Variants in ATAD1 observed in about 807,000 individuals in gnomAD.
The protein encoded by ATAD1 is outer mitochondrial transmembrane helix translocase.
In ATAD1, 18 loss-of-function variants were observed where a neutral mutation model predicts 42.7. That is an observed-to-expected ratio of 0.42 (90% confidence interval 0.29 to 0.63). The LOEUF (loss-of-function observed/expected upper bound fraction) is 0.63. Among genes scored for constraint, ATAD1 ranks in the 20% least tolerant of loss-of-function variants. The pLI is 0.19. For missense variants in ATAD1, 294 were observed against 440.4 expected (o/e 0.67, Z 2.98); for synonymous variants, 132 against 143.1 (o/e 0.92, Z 0.55).
chr10:87,831,922 G>A (rs1258014873), intron 1 of ATAD1, among the ~76,000 whole-genome samples: 1 of 152,012 alleles, frequency 6.6e-6, no homozygotes, highest in Non-Finnish European at 1.5e-5. Context: ...CTCAGATAAG[G>A]AAACTGAGGC....
At chr10:87,782,735 C>T (rs578255116) in intron 5 of ATAD1, among the ~76,000 whole-genome samples, 3 of 152,170 alleles carry the variant, frequency 2.0e-5, no homozygotes, top group South Asian at 4.1e-4. Context: ...ATCAGCTAGG[C>T]GTTATAATCC....
intron 1 of ATAD1, among the ~76,000 whole-genome samples, chr10:87,840,659 T>G (rs1321002371): frequency 6.6e-6 from 1 of 152,202 alleles, no homozygotes; most frequent in Admixed American, 6.5e-5. Context: ...CTCATAGCCC[T>G]TTTTTCACCC....
intron 1 of ATAD1, among the ~76,000 whole-genome samples, chr10:87,817,511 A>G (rs1056704526): frequency 7.9e-5 from 12 of 152,332 alleles, no homozygotes; most frequent in Non-Finnish European, 1.5e-4. Context: ...CTCATCTATG[A>G]GCAATTTATT....
intron 2 of ATAD1, among the ~76,000 whole-genome samples, chr10:87,796,862 T>C (rs962935905): frequency 1.3e-5 from 2 of 152,218 alleles, no homozygotes; most frequent in East Asian, 1.9e-4. Flanking sequence ...CTCCCAAAAT[T>C]TGGTGGAGAC....
intron 1 of ATAD1, among the ~76,000 whole-genome samples, chr10:87,839,636 G>A (rs768276952): frequency 1.3e-5 from 2 of 152,150 alleles, no homozygotes; most frequent in African/African-American, 2.4e-5. Flanking sequence ...ATAGATCAGT[G>A]AGCTTTGTAC....
Position 87,824,387 on chromosome 10 carries a change from C to T in ATAD1, c.-13-9775G>A, listed in dbSNP as rs1275851418. Among the ~76,000 whole-genome samples the T allele has an allele frequency of 2.0e-5, 3 of 152,296 alleles. No individual in the cohort carries two copies. In the East Asian group the frequency reaches 5.8e-4, roughly 29 times the overall value. On this transcript the variant is annotated intron_variant, in intron 1 of 4. Coordinates refer to the ATAD1 transcript ENST00000495903. ...TATCTATAGGGTATAAGAACGTGAA[C>T]TTGACAGACCTGGGTTTGAATTTAA... is the stretch of plus-strand genomic sequence containing the variant.
chr10:87,762,898 G>A (rs1460303033), intron 8 of ATAD1, among the ~76,000 whole-genome samples: 3 of 92,266 alleles, frequency 3.3e-5, no homozygotes, highest in African/African-American at 4.3e-5. Context: ...GTGAAACCCC[G>A]TCTCTACTAA....
intron 1 of ATAD1, among the ~76,000 whole-genome samples, chr10:87,825,738 G>A (rs577659044): frequency 6.6e-6 from 1 of 151,396 alleles, no homozygotes; most frequent in East Asian, 1.9e-4. Flanking sequence ...GTCTCGCTCT[G>A]TTGCCCAGGT....
chr10:87,808,630 T>C (rs1214478890), intron 2 of ATAD1, among the ~76,000 whole-genome samples: 1 of 152,198 alleles, frequency 6.6e-6, no homozygotes, highest in East Asian at 1.9e-4. Flanking sequence ...TCTAAAACCA[T>C]GAATGAATGC....
chr10:87,762,793 G>A (rs539161038), intron 8 of ATAD1, among the ~76,000 whole-genome samples: 45 of 150,966 alleles, frequency 3.0e-4, no homozygotes, highest in Non-Finnish European at 5.3e-4. Context: ...AAAGTCAACC[G>A]GGCACGGTGG....
intron 1 of ATAD1, among the ~76,000 whole-genome samples, chr10:87,834,026 T>G (rs1857886345): frequency 1.3e-5 from 2 of 152,176 alleles, no homozygotes; most frequent in South Asian, 4.1e-4. Context: ...TGTTAAATGC[T>G]TTTTCTGTAT....
intron 5 of ATAD1, among the ~76,000 whole-genome samples, chr10:87,777,636 G>C (rs1589491348): frequency 6.7e-6 from 1 of 150,088 alleles, no homozygotes; most frequent in African/African-American, 2.4e-5. Flanking sequence ...GGATTTTCTA[G>C]TACAATCCCC....
chr10:87,791,073 T>C (rs891014398), intron 3 of ATAD1, among the ~76,000 whole-genome samples: 2 of 142,594 alleles, frequency 1.4e-5, no homozygotes, highest in Non-Finnish European at 3.0e-5. Flanking sequence ...GGTGTAGTGG[T>C]GTGTGCCTGT....
At position 87,814,406 on chromosome 10, in the gene ATAD1, A is replaced by G. The variant is rs150085665; in HGVS notation, c.162+32T>C. ...GAGGGGAAAATACTTGTTAGCCACAAGAAAAATGATCTTCAAACATTTCAA... is the reference window on the plus strand; with the variant it reads ...GAGGGGAAAATACTTGTTAGCCACAGGAAAAATGATCTTCAAACATTTCAA... On this transcript the variant is annotated intron_variant, in intron 2 of 9. Coordinates refer to ENST00000680024, the MANE Select transcript of ATAD1 (RefSeq NM_001321967.2). The G allele has an allele frequency of 5.2e-5, 79 of 1,530,344 alleles. No individual in the cohort carries two copies. The African/African-American group carries it at 1.0e-3, about 19-fold the overall frequency. The allele number at this position is 1,530,344 out of a possible 1,614,324, so 94.8% of individuals were successfully genotyped here.
chr10:87,779,566 T>C (rs1855472897), intron 5 of ATAD1, among the ~76,000 whole-genome samples: 1 of 152,206 alleles, frequency 6.6e-6, no homozygotes, highest in South Asian at 2.1e-4. Flanking sequence ...GCTCATTGCA[T>C]AGGTGCCTCA....
intron 5 of ATAD1, 88 bp from the exon 6 acceptor site, chr10:87,776,515 C>T: frequency 9.2e-7 from 1 of 1,091,862 alleles, no homozygotes; most frequent in Non-Finnish European, 1.4e-6. Flanking sequence ...GTTGCCCAGG[C>T]TGGGGTGCAA....
chr10:87,793,152 T>TA lies in ATAD1; in HGVS notation c.163-398_163-397insT, dbSNP rs200318126. Among the ~76,000 whole-genome samples the TA allele has an allele frequency of 6.1e-3, 934 of 152,234 alleles. 10 individuals carry two copies. Among genetic ancestry groups the TA allele is most frequent in the South Asian group, 0.017 (83 of 4,816 alleles). ...CAGAGGAGTTAAGGAGGGCAAGAAA[T>TA]GTATAAGTGAAGTTTCTTTAAACTG... is the stretch of plus-strand genomic sequence containing the variant. On this transcript the variant is annotated intron_variant, in intron 2 of 9. Transcript: ENST00000680024.
At chr10:87,770,912 G>C (rs748970834) in intron 7 of ATAD1, 40 bp downstream of exon 7, 15 of 1,540,240 alleles carry the variant, frequency 9.7e-6, no homozygotes, top group Non-Finnish European at 1.3e-5. Flanking sequence ...ATAAAAAGGT[G>C]AGTATTTAAC....
chr10:87,792,589 C>T (rs987805166), intron 3 of ATAD1, 68 bp downstream of exon 3: 1 of 1,192,630 alleles, frequency 8.4e-7, no homozygotes, highest in Non-Finnish European at 1.2e-6. Context: ...CTTTAAGACC[C>T]CTGACACAAA....
Sources: gnomAD v4.1 joint callset for allele counts (sites outside exome capture counted in the v4.1 genomes callset) on GRCh38, gnomAD v4.1.1 for gene constraint, MANE v1.5 for transcripts, NCBI Gene and HGNC (gene_info 2026-07-23, HGNC 2026-07-21) for gene names.